LUZP2: variants seen among roughly 807,000 people sequenced by gnomAD.
LUZP2 encodes the protein leucine zipper protein 2.
LUZP2 carries 52 observed loss-of-function variants against 51.6 expected under a neutral mutation model. The observed-to-expected ratio is 1.01, with a 90% CI of 0.81 to 1.27. The LOEUF is 1.27. Among genes scored for constraint, LUZP2 ranks in the 50% most tolerant of loss-of-function variants. LUZP2 has a pLI of 0.00. For missense variants in LUZP2, 436 were observed against 395.4 expected (o/e 1.10, Z -0.87); for synonymous variants, 154 against 137.3 (o/e 1.12, Z -0.85).
chr11:24,689,609 T>G (rs1010696882), intron 1 of LUZP2, among the ~76,000 whole-genome samples: 7 of 152,276 alleles, frequency 4.6e-5, no homozygotes, highest in African/African-American at 1.4e-4. Flanking sequence ...CTGACATTCC[T>G]GAGACTGGGT....
rs111927747 is a variant in LUZP2 at position 25,051,617 on chromosome 11, C to T, written c.858+1487C>T. Among the ~76,000 whole-genome samples the T allele has an allele frequency of 1.0e-2, 1,516 of 152,210 alleles. 23 individuals carry two copies. Among genetic ancestry groups the T allele is most frequent in the African/African-American group, 0.034 (1,407 of 41,536 alleles). On this transcript the variant is annotated intron_variant, in intron 10 of 11. Transcript: ENST00000336930. ...CACAAAATGGCGGGATATGTGCTTACAGCAATCATTGAAGACTAGAGAATG... is the reference window on the plus strand; with the variant it reads ...CACAAAATGGCGGGATATGTGCTTATAGCAATCATTGAAGACTAGAGAATG...
At chr11:24,533,882 A>G (rs1477391267) in intron 1 of LUZP2, among the ~76,000 whole-genome samples, 1 of 151,180 alleles carries the variant, frequency 6.6e-6, no homozygotes, top group Non-Finnish European at 1.5e-5. Context: ...GTCACTTAAC[A>G]TATCTGTGCT....
At chr11:24,879,924 G>A (rs1852405957) in intron 5 of LUZP2, among the ~76,000 whole-genome samples, 1 of 152,134 alleles carries the variant, frequency 6.6e-6, no homozygotes, top group African/African-American at 2.4e-5. Context: ...GTGGTTGAGA[G>A]AGGAATGGCA....
intron 9 of LUZP2, among the ~76,000 whole-genome samples, chr11:25,034,496 G>A (rs2133996347): frequency 6.6e-6 from 1 of 152,126 alleles, no homozygotes; most frequent in Non-Finnish European, 1.5e-5. Flanking sequence ...GTTTTCCAAG[G>A]CCAATGTCAG....
intron 9 of LUZP2, among the ~76,000 whole-genome samples, chr11:25,008,553 C>A (rs1365533030): frequency 6.6e-6 from 1 of 152,080 alleles, no homozygotes; most frequent in African/African-American, 2.4e-5. Context: ...CATGTGACAC[C>A]CCAGCAGCTT....
chr11:24,793,179 C>T lies in LUZP2; in HGVS notation c.396+29871C>T, dbSNP rs536095630. Among the ~76,000 whole-genome samples, 7 of 152,146 alleles carry T rather than the reference C, an allele frequency of 4.6e-5. No homozygotes were observed. In the South Asian group the frequency reaches 1.5e-3, roughly 32 times the overall value. On this transcript the variant is annotated intron_variant, in intron 5 of 11. Transcript: ENST00000336930. ...GTCAGGTTACCTTTTCTGGAATTTC[C>T]CTGTATGATTGCTGATGAACTAACT...
intron 5 of LUZP2, chr11:24,786,438 C>A (rs1377870594): frequency 2.0e-6 from 2 of 981,716 alleles, no homozygotes; most frequent in East Asian, 1.1e-4. Context: ...TTCATGGTAC[C>A]AAAAATTCTG....
chr11:24,561,308 TGAC>T (rs1191244687), intron 1 of LUZP2, among the ~76,000 whole-genome samples: 1 of 152,166 alleles, frequency 6.6e-6, no homozygotes, highest in African/African-American at 2.4e-5. Flanking sequence ...AGCCACAGGT[TGAC>T]AAGTTTACTT....
chr11:24,665,254 C>T (rs937284323), intron 1 of LUZP2, among the ~76,000 whole-genome samples: 5 of 152,078 alleles, frequency 3.3e-5, no homozygotes. Context: ...TTTGTTTTGG[C>T]CAATTTCTCC....
At position 24,914,539 on chromosome 11, in the gene LUZP2, G is replaced by A. The variant is rs1388720486; in HGVS notation, c.522+1G>A. On this transcript the variant is annotated splice_donor_variant, in intron 7 of 11. Coordinates refer to ENST00000336930, the MANE Select transcript of LUZP2 (RefSeq NM_001009909.4). LOFTEE classifies it high-confidence loss of function. Reference sequence around the variant, plus strand: ...TGGGAAGAAGGATTTATTATTTAAGGTGAGTCTCTTTTCTCTCTTTTCCCT... The same window carrying A: ...TGGGAAGAAGGATTTATTATTTAAGATGAGTCTCTTTTCTCTCTTTTCCCT... 1.3e-6 allele frequency: 2 copies of A among 1,599,786 alleles called. No individual in the cohort carries two copies. The highest frequency in any genetic ancestry group is 1.7e-6 in the Non-Finnish European group (2 of 1,173,884).
At chr11:24,830,486 T>C (rs1254196540) in intron 5 of LUZP2, among the ~76,000 whole-genome samples, 1 of 149,894 alleles carries the variant, frequency 6.7e-6, no homozygotes, top group Non-Finnish European at 1.5e-5. Flanking sequence ...ACGGGGCACC[T>C]TGAGTGACAC....
In LUZP2 at chr11:24,726,527, C is replaced by T. The variant is rs143784338; in HGVS notation, c.63-2642C>T. Among the ~76,000 whole-genome samples the T allele has an allele frequency of 8.9e-3, 1,344 of 151,484 alleles. 8 individuals carry two copies. The highest frequency in any genetic ancestry group is 0.035 in the Middle Eastern group (10 of 288). On this transcript the variant is annotated intron_variant, in intron 1 of 11. Transcript: ENST00000336930. ...TGAAGCCAGACCTCCCACCCTACTCCCCCCACCAAAAAAAATTAACATGTT... is the reference window on the plus strand; with the variant it reads ...TGAAGCCAGACCTCCCACCCTACTCTCCCCACCAAAAAAAATTAACATGTT...
At chr11:24,703,395 G>A (rs567586420) in intron 1 of LUZP2, among the ~76,000 whole-genome samples, 5 of 152,288 alleles carry the variant, frequency 3.3e-5, no homozygotes, top group African/African-American at 1.2e-4. Context: ...CAGAGAGAAA[G>A]TGATGTGGAG....
intron 9 of LUZP2, among the ~76,000 whole-genome samples, chr11:25,026,788 C>G (rs898846932): frequency 2.6e-5 from 4 of 151,844 alleles, no homozygotes; most frequent in African/African-American, 7.2e-5. Context: ...GCTATCCACC[C>G]TATCTCCGAG....
At chr11:24,497,409 A>G (rs1849859569) in intron 1 of LUZP2, 104 bp downstream of exon 1, 4 of 727,828 alleles carry the variant, frequency 5.5e-6, no homozygotes, top group Non-Finnish European at 8.1e-6. Flanking sequence ...AGCTGTTTGC[A>G]TCTCCCGCCT....
intron 2 of LUZP2, among the ~76,000 whole-genome samples, chr11:24,731,859 G>C (rs1399829376): frequency 4.6e-5 from 7 of 151,836 alleles, no homozygotes; most frequent in Admixed American, 2.6e-4. Flanking sequence ...CTTTTAAAGA[G>C]ACCTAGATAT....
chr11:24,690,371 C>A (rs912698379), intron 1 of LUZP2, among the ~76,000 whole-genome samples: 45 of 152,154 alleles, frequency 3.0e-4, no homozygotes, highest in African/African-American at 1.1e-3. Flanking sequence ...TTTAATTTCA[C>A]TTTTACAAAA....
chr11:24,521,368 A>AAGG (rs1564966710), intron 1 of LUZP2, among the ~76,000 whole-genome samples: 2 of 79,914 alleles, frequency 2.5e-5, no homozygotes, highest in African/African-American at 4.6e-5. Context: ...AAAAAAAAAA[A>AAGG]GGTGGGGGTG....
chr11:24,860,612 C>T (rs28649011), intron 5 of LUZP2, among the ~76,000 whole-genome samples: 9,658 of 152,146 alleles, frequency 0.063, 443 homozygotes, highest in African/African-American at 0.13. Context: ...TGCTATTCTC[C>T]AGCCTCTTTT....
Sources: gnomAD v4.1 joint callset for allele counts (sites outside exome capture counted in the v4.1 genomes callset) on GRCh38, gnomAD v4.1.1 for gene constraint, MANE v1.5 for transcripts, NCBI Gene and HGNC (gene_info 2026-07-23, HGNC 2026-07-21) for gene names.